Variants in CAMSAP3 observed in about 807,000 individuals in gnomAD.
The protein encoded by CAMSAP3 is calmodulin-regulated spectrin-associated protein 3.
CAMSAP3 carries 34 observed loss-of-function variants against 112.5 expected under a neutral mutation model. The ratio of observed to expected loss-of-function variants is 0.30; its 90% confidence interval spans 0.23 to 0.40. The LOEUF is 0.40. CAMSAP3 is among the 10% of genes least tolerant of loss of function. The pLI is 1.00. For synonymous variants in CAMSAP3, 868 were observed against 799.8 expected (o/e 1.09, Z -1.44); for missense variants, 1,602 against 1,770.3 (o/e 0.90, Z 1.71).
In CAMSAP3 at chr19:7,615,759, T is replaced by TCC. The variant is rs2030750545; in HGVS notation, c.3112+41_3112+42dup. On this transcript the variant is annotated intron_variant, in intron 13 of 16. Coordinates refer to ENST00000160298, the MANE Select transcript of CAMSAP3 (RefSeq NM_020902.2). The surrounding 1 kb of genome is among the most constrained non-coding windows in gnomAD (Gnocchi z 6.5). ...GGGACGGGGCCTGCCCAGTGCCCTT[T>TCC]CCGGGGCTCACTGGGTGAGGCCCCC... 1.2e-5 allele frequency: 13 copies of TCC among 1,071,564 alleles called. No homozygotes were observed. The highest frequency in any genetic ancestry group is 1.5e-5 in the Non-Finnish European group (13 of 880,404). 66.4% of individuals were successfully genotyped at this position (1,071,564 alleles called of 1,614,324 possible). A position where few individuals can be genotyped will look rare whatever the true frequency, so the allele number is the denominator to read the frequency against.
chr19:7,610,912 C>A lies in CAMSAP3; in HGVS notation c.1030C>A (p.Gln344Lys). 1.3e-6 allele frequency: 2 copies of A among 1,586,702 alleles called. No individual in the cohort carries two copies. The highest frequency in any genetic ancestry group is 1.7e-6 in the Non-Finnish European group (2 of 1,165,794). Residue 344 changes from glutamine (Q) to lysine (K), a missense_variant, in exon 8 of 17, where the codon CAG (glutamine) becomes AAG (lysine). By Grantham distance (53) the Gln-to-Lys change is moderately conservative (BLOSUM62 1). Transcript: ENST00000160298. The surrounding 1 kb of genome is among the most constrained non-coding windows in gnomAD (Gnocchi z 4.9). ...SPRGTEASPP[Q>K]NNSGSSSPVF... is the part of the protein sequence containing the mutation. ...CCGGGGCACTGAGGCCTCCCCACCT[C>A]AGAACAACAGCGGCAGTAGGTACGC...
Position 7,617,402 on chromosome 19 carries a change from A to G in CAMSAP3, c.3289A>G (p.Asn1097Asp), listed in dbSNP as rs1273344936. ...CGAACGGGACTGGGAAAATGGCAGC[A>G]ATGCCTCCTCCCCAGCGTCAGTGCC... ...SRERDWENGS[N>D]ASSPASVPEY... The change falls in exon 15 of 17, where the codon AAT becomes GAT. Residue 1097 changes from asparagine to aspartate, a missense_variant. Physicochemically the swap from Asn to Asp is conservative, Grantham distance 23. This residue lies in a region of CAMSAP3 where 1,100 missense variants were observed against 1,135.7 expected (regional missense o/e 0.97). Transcript: ENST00000160298. The surrounding 1 kb of genome is among the most constrained non-coding windows in gnomAD (Gnocchi z 7.5). The G allele has an allele frequency of 6.2e-7, 1 of 1,614,030 alleles. No homozygotes were observed. Among genetic ancestry groups the G allele is most frequent in the East Asian group, 2.2e-5 (1 of 44,874 alleles).
At chr19:7,606,155 C>CCCCCCCCCCCCCCCCCA in intron 2 of CAMSAP3, 116 bp from the exon 3 acceptor site, 2 of 512,022 alleles carry the variant, frequency 3.9e-6, no homozygotes, top group Admixed American at 2.7e-5. Flanking sequence ...CCTCAAGCCC[C>CCCCCCCCCCCCCCCCCA]ACCCCCCCCG....
chr19:7,614,954 C>T (rs887836947), intron 11 of CAMSAP3: 15 of 596,680 alleles, frequency 2.5e-5, no homozygotes, highest in Non-Finnish European at 4.2e-5. Flanking sequence ...TTGTCTTCCC[C>T]GTTGGGTTAA....
In CAMSAP3 at chr19:7,608,129, C is replaced by G. The variant is rs1187914208; in HGVS notation, c.625C>G (p.Arg209Gly). The change falls in exon 5 of 17, where the codon CGA (arginine) becomes GGA (glycine). Residue 209 changes from arginine to glycine, a missense_variant. Physicochemically the swap from Arg to Gly is moderately radical, Grantham distance 125. Coordinates refer to ENST00000160298, the MANE Select transcript of CAMSAP3 (RefSeq NM_020902.2). ...DGAAPAQPSI[R>G]YRKDRVVARR... Reference sequence around the variant, plus strand: ...CTGACCTGGCTCCCATCTGCAGATCCGATACCGCAAGGACCGTGTGGTGGC... The same window carrying G: ...CTGACCTGGCTCCCATCTGCAGATCGGATACCGCAAGGACCGTGTGGTGGC... The G allele has an allele frequency of 6.2e-7, 1 of 1,610,284 alleles. No homozygotes were observed. The highest frequency in any genetic ancestry group is 1.3e-5 in the African/African-American group (1 of 74,912).
chr19:7,599,162 T>A (rs1599338715), intron 1 of CAMSAP3, among the ~76,000 whole-genome samples: 1 of 151,698 alleles, frequency 6.6e-6, no homozygotes, highest in African/African-American at 2.4e-5. Context: ...CAGAGTGAGA[T>A]CCTGTCTCAA....
rs775629694 is a variant in CAMSAP3 at position 7,612,959 on chromosome 19, G to A, written c.2466G>A (p.Thr822=). 3.7e-6 allele frequency: 6 copies of A among 1,606,038 alleles called. No individual in the cohort carries two copies. Among genetic ancestry groups the A allele is most frequent in the South Asian group, 2.2e-5 (2 of 90,120 alleles). Residue 822 remains threonine (T), a synonymous_variant, in exon 11 of 17, where the codon ACG becomes ACA. Transcript: ENST00000160298. The part of the protein sequence containing the change: ...KFSPSQVPVQ[T]RSSILLAEET... ...CGCCGAGCCAGGTGCCCGTGCAGACGCGCTCTTCCATCCTCCTGGCGGAGG... is the reference window on the plus strand; with the variant it reads ...CGCCGAGCCAGGTGCCCGTGCAGACACGCTCTTCCATCCTCCTGGCGGAGG...
rs769954986 is a variant in CAMSAP3 at position 7,596,156 on chromosome 19, G to T, written c.148+6G>T. On this transcript the variant is annotated splice_donor_region_variant and intron_variant, in intron 1 of 16. Coordinates refer to ENST00000160298, the MANE Select transcript of CAMSAP3 (RefSeq NM_020902.2). ...GGCCGCGTTCGGGGGCGCAGGTACCGGGGCTCGGGGGACCGGGGTCGGGGG... is the reference window on the plus strand; with the variant it reads ...GGCCGCGTTCGGGGGCGCAGGTACCTGGGCTCGGGGGACCGGGGTCGGGGG... The T allele has an allele frequency of 7.5e-6, 8 of 1,062,032 alleles. No homozygotes were observed. The Admixed American group carries it at 3.3e-4, about 43-fold the overall frequency. The allele number at this position is 1,062,032 out of a possible 1,614,324, so 65.8% of individuals were successfully genotyped here.
Position 7,607,863 on chromosome 19 carries a change from C to A in CAMSAP3, c.622-263C>A. Reference sequence around the variant, plus strand: ...TTTGAAGGAGTCGGGGAGCAAACCCCCCATGGTAATGTATCCCCCGCCCCG... The same window carrying A: ...TTTGAAGGAGTCGGGGAGCAAACCCACCATGGTAATGTATCCCCCGCCCCG... On this transcript the variant is annotated intron_variant, in intron 4 of 16. Coordinates refer to ENST00000160298, the MANE Select transcript of CAMSAP3 (RefSeq NM_020902.2). The surrounding 1 kb of genome is among the most constrained non-coding windows in gnomAD (Gnocchi z 4.9). 1 of 1,311,652 alleles carries A rather than the reference C, an allele frequency of 7.6e-7. No homozygotes were observed. The highest frequency in any genetic ancestry group is 1.1e-6 in the Non-Finnish European group (1 of 949,050). 81.3% of individuals were successfully genotyped at this position (1,311,652 alleles called of 1,614,324 possible).
intron 1 of CAMSAP3, among the ~76,000 whole-genome samples, chr19:7,603,390 T>G (rs1456838302): frequency 2.0e-5 from 3 of 152,028 alleles, no homozygotes; most frequent in African/African-American, 7.2e-5. Context: ...CATTTTTGTA[T>G]TTTTAGTAGA....
At position 7,611,453 on chromosome 19, in the gene CAMSAP3, A is replaced by T. The variant is rs1030856879; in HGVS notation, c.1124-64A>T. 5.4e-6 allele frequency: 8 copies of T among 1,483,786 alleles called. No individual in the cohort carries two copies. In the Admixed American group the frequency reaches 1.6e-4, roughly 30 times the overall value. The allele number at this position is 1,483,786 out of a possible 1,614,324, so 91.9% of individuals were successfully genotyped here. On this transcript the variant is annotated intron_variant, in intron 9 of 16. Coordinates refer to ENST00000160298, the MANE Select transcript of CAMSAP3 (RefSeq NM_020902.2). This position sits in a 1 kb window ranked among gnomAD's most constrained non-coding sequence, Gnocchi z 6.9. Reference sequence around the variant, plus strand: ...ATGACCTTGCAGAGGTTGTCCCCAGATGCTGGCTGACCCCACTCAGGGTTC... The same window carrying T: ...ATGACCTTGCAGAGGTTGTCCCCAGTTGCTGGCTGACCCCACTCAGGGTTC...
In CAMSAP3 at chr19:7,611,202, G is replaced by A. The variant is rs1245984775; in HGVS notation, c.1123+34G>A. 1 of 1,605,370 alleles carries A rather than the reference G, an allele frequency of 6.2e-7. No individual in the cohort carries two copies. The highest frequency in any genetic ancestry group is 8.5e-7 in the Non-Finnish European group (1 of 1,173,584). On this transcript the variant is annotated intron_variant, in intron 9 of 16. Coordinates refer to ENST00000160298, the MANE Select transcript of CAMSAP3 (RefSeq NM_020902.2). The surrounding 1 kb of genome is among the most constrained non-coding windows in gnomAD (Gnocchi z 6.9). Reference sequence around the variant, plus strand: ...GGGGTAGGTGGCTTCTGTCACGGGGGACCCCCCCACTCACAGACTGCCCCA... The same window carrying A: ...GGGGTAGGTGGCTTCTGTCACGGGGAACCCCCCCACTCACAGACTGCCCCA...
intron 13 of CAMSAP3, among the ~76,000 whole-genome samples, chr19:7,616,182 G>A (rs1422810213): frequency 2.1e-5 from 3 of 146,190 alleles, no homozygotes; most frequent in African/African-American, 5.2e-5. Context: ...GCGAGACTCC[G>A]TCTCAGAAAT....
In CAMSAP3 at chr19:7,615,175, G is replaced by A; in HGVS notation, c.2671-8G>A. ...GGGTGGCTGGCTGGACTCGGCGTCT[G>A]TCCCCAGGATGAAGACAAGCCTGAG... is the stretch of plus-strand genomic sequence containing the variant. On this transcript the variant is annotated splice_region_variant and splice_polypyrimidine_tract_variant and intron_variant, in intron 11 of 16. Coordinates refer to ENST00000160298, the MANE Select transcript of CAMSAP3 (RefSeq NM_020902.2). This position sits in a 1 kb window ranked among gnomAD's most constrained non-coding sequence, Gnocchi z 6.5. 2 of 1,554,478 alleles carry A rather than the reference G, an allele frequency of 1.3e-6. No individual in the cohort carries two copies. Among genetic ancestry groups the A allele is most frequent in the Non-Finnish European group, 8.7e-7 (1 of 1,149,428 alleles).
chr19:7,596,104 G>T lies in CAMSAP3; in HGVS notation c.102G>T (p.Ala34=). The part of the protein sequence containing the change: ...LDQYDFSRAK[A]AASLAWVLRA... ...AGTACGATTTCTCGCGGGCCAAGGC[G>T]GCGGCCAGCCTGGCGTGGGTGCTGC... is the stretch of plus-strand genomic sequence containing the variant. The change falls in exon 1 of 17, where the codon GCG becomes GCT. Residue 34 remains alanine (A), a synonymous_variant. Transcript: ENST00000160298. 1.6e-6 allele frequency: 2 copies of T among 1,267,506 alleles called. No homozygotes were observed. The highest frequency in any genetic ancestry group is 1.5e-5 in the South Asian group (1 of 65,310). 78.5% of individuals were successfully genotyped at this position (1,267,506 alleles called of 1,614,324 possible). A position where few individuals can be genotyped will look rare whatever the true frequency, so the allele number is the denominator to read the frequency against.
At chr19:7,601,438 C>G (rs1004106283) in intron 1 of CAMSAP3, among the ~76,000 whole-genome samples, 1 of 152,122 alleles carries the variant, frequency 6.6e-6, no homozygotes, top group African/African-American at 2.4e-5. Flanking sequence ...CGTGCCTCAG[C>G]CTCCTGAGTA....
At position 7,611,965 on chromosome 19, in the gene CAMSAP3, C is replaced by A. The variant is rs1248214805; in HGVS notation, c.1472C>A (p.Pro491His). ...TTCTACCTCCACTCCCCTGAGGGGC[C>A]CTCCAAGCCATCCCTGGCCTCCCCC... is the stretch of plus-strand genomic sequence containing the variant. ...GSFYLHSPEG[P>H]SKPSLASPYL... is the part of the protein sequence containing the mutation. Residue 491 changes from proline (P) to histidine (H), a missense_variant, in exon 11 of 17, where the codon CCC becomes CAC. Pro to His is a moderately conservative substitution (Grantham distance 77). Coordinates refer to ENST00000160298, the MANE Select transcript of CAMSAP3 (RefSeq NM_020902.2). The surrounding 1 kb of genome is among the most constrained non-coding windows in gnomAD (Gnocchi z 6.9). 1 of 1,611,170 alleles carries A rather than the reference C, an allele frequency of 6.2e-7. No individual in the cohort carries two copies. Among genetic ancestry groups the A allele is most frequent in the Non-Finnish European group, 8.5e-7 (1 of 1,179,402 alleles).
chr19:7,613,369 G>T (rs2030612975), intron 11 of CAMSAP3, among the ~76,000 whole-genome samples: 1 of 140,790 alleles, frequency 7.1e-6, no homozygotes, highest in South Asian at 2.5e-4. Context: ...GGAGAGGGGG[G>T]AAAGGGACAT....
Position 7,601,711 on chromosome 19 carries a change from CTAAAATAAAATAAAA to C in CAMSAP3, c.149-3485_149-3471del, listed in dbSNP as rs55921076. On this transcript the variant is annotated intron_variant, in intron 1 of 16. Coordinates refer to ENST00000160298, the MANE Select transcript of CAMSAP3 (RefSeq NM_020902.2). ...TGAGCAACATAGTGAGACCCCATCT[CTAAAATAAAATAAAA>C]TAAAATAAAATAAAATAAAATAAAA... Among the ~76,000 whole-genome samples, 161 of 133,102 alleles carry C rather than the reference CTAAAATAAAATAAAA, an allele frequency of 1.2e-3. 1 individual carries two copies. The highest frequency in any genetic ancestry group is 3.3e-3 in the African/African-American group (110 of 33,460). The allele number at this position is 133,102 out of a possible 152,430, so 87.3% of individuals were successfully genotyped here. A position where few individuals can be genotyped will look rare whatever the true frequency, so the allele number is the denominator to read the frequency against.
Sources: gnomAD v4.1 joint callset for allele counts (sites outside exome capture counted in the v4.1 genomes callset) on GRCh38, gnomAD v4.1.1 for gene constraint, gnomAD v4.1.1 regional missense constraint, Gnocchi (gnomAD v3.1) non-coding constraint, MANE v1.5 for transcripts, NCBI Gene and HGNC (gene_info 2026-07-23, HGNC 2026-07-21) for gene names.